The following LPP variants were observed in gnomAD, a reference collection of about 807,000 sequenced individuals.
LPP encodes the protein LIM domain containing preferred translocation partner in lipoma, also known as lipoma-preferred partner.
A neutral mutation model predicts 60.4 loss-of-function variants in LPP; 38 were observed. The observed-to-expected ratio is 0.63, with a 90% CI of 0.49 to 0.83. LPP has a LOEUF of 0.83. Ranked by LOEUF, LPP falls within the 40% of genes least tolerant of loss-of-function variation. LPP has a pLI of 0.00. For synonymous variants in LPP, 328 were observed against 290.8 expected, an observed-to-expected ratio of 1.13 and a Z score of -1.30; for missense variants, 902 against 783.6, an observed-to-expected ratio of 1.15 and a Z score of -1.80.
At chr3:188,231,044 A>T (rs1047304719) in intron 2 of LPP, among the ~76,000 whole-genome samples, 2 of 152,138 alleles carry the variant, frequency 1.3e-5, no homozygotes, top group African/African-American at 4.8e-5. Context: ...AGGGCAGCTC[A>T]CATGGCAGCT....
chr3:188,743,560 A>G (rs1305460699), intron 8 of LPP: 1 of 152,096 alleles, frequency 6.6e-6, no homozygotes, highest in Non-Finnish European at 1.5e-5. Context: ...GTCTATTGCT[A>G]AATGAAGGGC....
Position 188,476,895 on chromosome 3 carries a change from A to C in LPP, c.194-7697A>C, listed in dbSNP as rs186769477. Among the ~76,000 whole-genome samples, 307 of 152,342 alleles carry C rather than the reference A, an allele frequency of 2.0e-3. 3 individuals are homozygous for C. Among genetic ancestry groups the C allele is most frequent in the African/African-American group, 7.1e-3 (297 of 41,580 alleles). On this transcript the variant is annotated intron_variant, in intron 4 of 11. Coordinates refer to ENST00000617246, the MANE Select transcript of LPP (RefSeq NM_001375462.1). The stretch of plus-strand genomic sequence containing the variant: ...ATATTGTGCTATTTTGATGACAATG[A>C]GGACAGAGAACATGGAATGGCCAAG...
chr3:188,245,639 C>G (rs1726658258), intron 2 of LPP, among the ~76,000 whole-genome samples: 1 of 150,708 alleles, frequency 6.6e-6, no homozygotes, highest in African/African-American at 2.5e-5. Context: ...ATGCTTCCCT[C>G]TTTTCTAACC....
chr3:188,573,494 T>G (rs1158462026), intron 6 of LPP, among the ~76,000 whole-genome samples: 1 of 152,096 alleles, frequency 6.6e-6, no homozygotes, highest in Non-Finnish European at 1.5e-5. Context: ...GCCACTGACT[T>G]ACGTCGTAGC....
At chr3:188,598,671 T>TC (rs1224782277) in intron 6 of LPP, among the ~76,000 whole-genome samples, 1 of 152,172 alleles carries the variant, frequency 6.6e-6, no homozygotes, top group African/African-American at 2.4e-5. Flanking sequence ...ATTAATGTTT[T>TC]CTGGCTTTCC....
Position 188,609,677 on chromosome 3 carries a change from A to G in LPP, c.946A>G (p.Thr316Ala), listed in dbSNP as rs1843258747. ...TGGGGGCAGAAATGACTCTGACCCT[A>G]CCTATGGTCAACAAGGTCACCCAAA... is the stretch of plus-strand genomic sequence containing the variant. Reference protein sequence around the residue: ...GYGGRNDSDPTYGQQGHPNTW... With the variant: ...GYGGRNDSDPAYGQQGHPNTW... Residue 316 changes from threonine to alanine, a missense_variant, in exon 7 of 12, where the codon ACC becomes GCC. Thr to Ala is a moderately conservative substitution (Grantham distance 58). Transcript: ENST00000617246. This position sits in a 1 kb window ranked among gnomAD's most constrained non-coding sequence, Gnocchi z 6.9. The G allele has an allele frequency of 1.2e-6, 2 of 1,613,986 alleles. No individual in the cohort carries two copies. The highest frequency in any genetic ancestry group is 1.3e-5 in the African/African-American group (1 of 74,894).
chr3:188,207,019 A>G (rs1436232364), intron 1 of LPP, among the ~76,000 whole-genome samples: 1 of 152,156 alleles, frequency 6.6e-6, no homozygotes, highest in Non-Finnish European at 1.5e-5. Flanking sequence ...CATCAATGGT[A>G]TAATCAGAGC....
intron 3 of LPP, among the ~76,000 whole-genome samples, chr3:188,361,949 A>C (rs1311487343): frequency 6.6e-6 from 1 of 152,194 alleles, no homozygotes; most frequent in African/African-American, 2.4e-5. Flanking sequence ...AGGAATAAAA[A>C]TATGGCTAAA....
intron 3 of LPP, among the ~76,000 whole-genome samples, chr3:188,360,522 C>CT (rs1160217644): frequency 1.3e-5 from 2 of 151,532 alleles, no homozygotes; most frequent in Admixed American, 1.3e-4. Flanking sequence ...AATTACATAA[C>CT]TTTTTTTTTC....
chr3:188,537,258 G>A (rs1431048760), intron 6 of LPP, among the ~76,000 whole-genome samples: 3 of 151,810 alleles, frequency 2.0e-5, no homozygotes, highest in Non-Finnish European at 4.4e-5. Flanking sequence ...TTCCTTGAGT[G>A]CCTTCTGAAG....
At chr3:188,420,895 A>G (rs1477296933) in intron 4 of LPP, among the ~76,000 whole-genome samples, 3 of 152,198 alleles carry the variant, frequency 2.0e-5, no homozygotes, top group Non-Finnish European at 4.4e-5. Flanking sequence ...AACACATTTT[A>G]TATATGTATA....
At chr3:188,680,860 T>C (rs1859326272) in intron 7 of LPP, among the ~76,000 whole-genome samples, 2 of 152,206 alleles carry the variant, frequency 1.3e-5, no homozygotes, top group African/African-American at 4.8e-5. Context: ...TTATCTTTCA[T>C]ACTCAGCGCT....
chr3:188,715,778 T>C (rs1294669018), intron 8 of LPP, among the ~76,000 whole-genome samples: 2 of 152,232 alleles, frequency 1.3e-5, no homozygotes, highest in Admixed American at 1.3e-4. Flanking sequence ...TATGAAGCTT[T>C]TCATACATGC....
intron 9 of LPP, among the ~76,000 whole-genome samples, chr3:188,813,647 A>G (rs752114723): frequency 3.1e-4 from 47 of 152,160 alleles, no homozygotes; most frequent in Non-Finnish European, 5.9e-4. Flanking sequence ...ACACTGCAGA[A>G]AGCTGCACTC....
At chr3:188,191,001 G>A (rs1477141259) in intron 1 of LPP, among the ~76,000 whole-genome samples, 1 of 152,234 alleles carries the variant, frequency 6.6e-6, no homozygotes, top group East Asian at 1.9e-4. Flanking sequence ...GGGGGCCGAG[G>A]CAGGTGGATC....
intron 6 of LPP, among the ~76,000 whole-genome samples, chr3:188,529,367 T>A (rs1286069824): frequency 6.6e-6 from 1 of 152,192 alleles, no homozygotes; most frequent in Non-Finnish European, 1.5e-5. Context: ...ACCTGACTAC[T>A]TAAAATAGGC....
chr3:188,194,365 A>T (rs1422268087), intron 1 of LPP, among the ~76,000 whole-genome samples: 1 of 152,200 alleles, frequency 6.6e-6, no homozygotes, highest in East Asian at 1.9e-4. Context: ...CTCAGCTCTT[A>T]GAAGTTGTTT....
At chr3:188,427,626 A>C (rs1300805772) in intron 4 of LPP, among the ~76,000 whole-genome samples, 3 of 152,192 alleles carry the variant, frequency 2.0e-5, no homozygotes, top group Non-Finnish European at 4.4e-5. Flanking sequence ...GGAGGAATCT[A>C]TAGCGGCAGT....
chr3:188,263,700 G>T lies in LPP; in HGVS notation c.-67+38173G>T, dbSNP rs145618135. On this transcript the variant is annotated intron_variant, in intron 2 of 11. Transcript: ENST00000617246. ...TTTAACAGTGACTAGCTCATAATCC[G>T]TCACGTAGAAAGTTTTTTCTTAGCT... Among the ~76,000 whole-genome samples, 4 of 152,320 alleles carry T rather than the reference G, an allele frequency of 2.6e-5. No homozygotes were observed. In the East Asian group the frequency reaches 7.7e-4, roughly 29 times the overall value.
Sources: gnomAD v4.1 joint callset for allele counts (sites outside exome capture counted in the v4.1 genomes callset) on GRCh38, gnomAD v4.1.1 for gene constraint, Gnocchi (gnomAD v3.1) non-coding constraint, MANE v1.5 for transcripts, NCBI Gene and HGNC (gene_info 2026-07-23, HGNC 2026-07-21) for gene names.